Variants in KAT6A observed in about 807,000 individuals in gnomAD.
KAT6A encodes histone acetyltransferase KAT6A.
KAT6A carries 9 observed loss-of-function variants against 198.4 expected under a neutral mutation model. That is an observed-to-expected ratio of 0.05 (90% CI 0.03 to 0.08). The LOEUF is 0.08. KAT6A is among the 10% of genes least tolerant of loss of function. The pLI is 1.00. For missense variants in KAT6A, 2,077 were observed against 2,509.9 expected, an observed-to-expected ratio of 0.83 and a Z score of 3.69; for synonymous variants, 890 against 883.0, an observed-to-expected ratio of 1.01 and a Z score of -0.14.
chr8:42,018,739 A>G (rs1355661393), intron 2 of KAT6A, among the ~76,000 whole-genome samples: 1 of 152,124 alleles, frequency 6.6e-6, no homozygotes, highest in Non-Finnish European at 1.5e-5. Context: ...CCTGGCCAAC[A>G]TGGTGAAACC....
chr8:41,965,978 T>C (rs1823464148), intron 8 of KAT6A, among the ~76,000 whole-genome samples: 1 of 152,166 alleles, frequency 6.6e-6, no homozygotes. Context: ...CATTGGATAA[T>C]TTAGCACAAC....
intron 8 of KAT6A, among the ~76,000 whole-genome samples, chr8:41,972,468 T>C (rs1310388242): frequency 1.3e-5 from 2 of 152,202 alleles, no homozygotes; most frequent in African/African-American, 2.4e-5. Flanking sequence ...AGGTGGTCAC[T>C]GTTAGCAGCA....
chr8:42,045,214 C>T (rs1292054189), intron 2 of KAT6A, among the ~76,000 whole-genome samples: 8 of 152,170 alleles, frequency 5.3e-5, no homozygotes, highest in Non-Finnish European at 1.0e-4. Context: ...AGTACATATA[C>T]AAGTCTACCT....
Position 41,977,627 on chromosome 8 carries a change from A to G in KAT6A, c.1044-300T>C, listed in dbSNP as rs1824126779. 1.6e-5 allele frequency: 4 copies of G among 249,796 alleles called. No homozygotes were observed. In the East Asian group the frequency reaches 3.1e-4, roughly 19 times the overall value. 15.5% of individuals were successfully genotyped at this position (249,796 alleles called of 1,614,324 possible). On this transcript the variant is annotated intron_variant, in intron 6 of 16. Transcript: ENST00000265713. ...GACTTGGACAAATCACATTTTTTCT[A>G]AACATATGTCAGTGCCTTCATCTGT...
chr8:41,994,194 A>G, intron 2 of KAT6A, among the ~76,000 whole-genome samples: 1 of 152,244 alleles, frequency 6.6e-6, no homozygotes, highest in East Asian at 1.9e-4. Flanking sequence ...AAAAGGTTGT[A>G]GCAAATGACT....
rs200136757 is a variant in KAT6A at position 41,941,073 on chromosome 8, G to C, written c.2808C>G (p.Pro936=). The C allele has an allele frequency of 1.2e-6, 2 of 1,614,144 alleles. No homozygotes were observed. Among genetic ancestry groups the C allele is most frequent in the Non-Finnish European group, 8.5e-7 (1 of 1,180,036 alleles). The change falls in exon 15 of 17, where the codon CCC becomes CCG. Residue 936 remains proline (P), a synonymous_variant. Transcript: ENST00000265713. Reference sequence around the variant, plus strand: ...CAACCCCCTCACTGAGTCTTCTCTTGGGAAGGTCAGGTTTCCCGTCCTGGC... The same window carrying C: ...CAACCCCCTCACTGAGTCTTCTCTTCGGAAGGTCAGGTTTCCCGTCCTGGC... ...QPSQDGKPDL[P]KRRLSEGVEP...
chr8:41,934,063 G>A lies in KAT6A; in HGVS notation c.4157C>T (p.Ser1386Leu). 6.2e-7 allele frequency: 1 copy of A among 1,614,090 alleles called. No homozygotes were observed. The highest frequency in any genetic ancestry group is 8.5e-7 in the Non-Finnish European group (1 of 1,180,024). ...EQPSHDTSVV[S>L]EQMAGSEDDH... is the part of the protein sequence containing the mutation. ...GTCCTCAGACCCAGCCATCTGCTCT[G>A]ACACCACGGACGTGTCATGGGAAGG... is the stretch of plus-strand genomic sequence containing the variant. The change falls in exon 17 of 17, where the codon TCA (serine) becomes TTA (leucine). Residue 1386 changes from serine to leucine, a missense_variant. Physicochemically the swap from Ser to Leu is moderately radical, Grantham distance 145. This residue lies in a region of KAT6A where 178 missense variants were observed against 220.8 expected (regional missense o/e 0.81). Coordinates refer to ENST00000265713, the MANE Select transcript of KAT6A (RefSeq NM_006766.5).
Position 42,030,393 on chromosome 8 carries a change from T to C in KAT6A, c.600+17985A>G, listed in dbSNP as rs143841068. Among the ~76,000 whole-genome samples, 13 of 152,266 alleles carry C rather than the reference T, an allele frequency of 8.5e-5. No individual in the cohort carries two copies. In the East Asian group the frequency reaches 1.9e-3, roughly 23 times the overall value. On this transcript the variant is annotated intron_variant, in intron 2 of 16. Coordinates refer to ENST00000265713, the MANE Select transcript of KAT6A (RefSeq NM_006766.5). The stretch of plus-strand genomic sequence containing the variant: ...CTTCCTGTGCCTCAGAGGTTCCTCA[T>C]CCTTTCCGTGTTTAATTTCAGTGTT...
At chr8:42,023,585 T>C (rs1392377907) in intron 2 of KAT6A, among the ~76,000 whole-genome samples, 1 of 151,850 alleles carries the variant, frequency 6.6e-6, no homozygotes, top group Non-Finnish European at 1.5e-5. Context: ...CCTTCCAGGC[T>C]CAAGTGATCC....
intron 2 of KAT6A, among the ~76,000 whole-genome samples, chr8:42,031,039 G>A (rs201782466): frequency 0.018 from 297 of 16,584 alleles, 7 homozygotes; most frequent in Middle Eastern, 0.17. Context: ...AAAAAAAAAA[G>A]GGGGGGGGGA....
chr8:41,948,122 T>C (rs1822487694), intron 10 of KAT6A, among the ~76,000 whole-genome samples: 1 of 152,190 alleles, frequency 6.6e-6, no homozygotes, highest in South Asian at 2.1e-4. Context: ...TAAAACCTCA[T>C]ACCTTCAACA....
At chr8:41,991,356 C>G (rs1453037412) in intron 2 of KAT6A, among the ~76,000 whole-genome samples, 1 of 152,044 alleles carries the variant, frequency 6.6e-6, no homozygotes, top group Non-Finnish European at 1.5e-5. Flanking sequence ...ATATCACAAA[C>G]TATATTGAAA....
chr8:42,009,962 TAAAGAA>T (rs1392104731), intron 2 of KAT6A, among the ~76,000 whole-genome samples: 1 of 144,282 alleles, frequency 6.9e-6, no homozygotes, highest in African/African-American at 2.6e-5. Flanking sequence ...CAGGTCTCAT[TAAAGAA>T]AAAGTACAGA....
rs533030932 is a variant in KAT6A at position 42,001,324 on chromosome 8, C to T, written c.601-13761G>A. On this transcript the variant is annotated intron_variant, in intron 2 of 16. Transcript: ENST00000265713. The stretch of plus-strand genomic sequence containing the variant: ...TAAGACCTTTTATTTTAACACAGCA[C>T]ATTAGTGTCTCTGTAACTAAGTAAG... Among the ~76,000 whole-genome samples the T allele has an allele frequency of 4.7e-4, 72 of 152,230 alleles. 2 individuals are homozygous for T. The Middle Eastern group carries it at 0.014, about 29-fold the overall frequency.
intron 8 of KAT6A, among the ~76,000 whole-genome samples, chr8:41,963,829 G>C (rs777286886): frequency 6.6e-6 from 1 of 152,012 alleles, no homozygotes. Flanking sequence ...AAATCTTCAT[G>C]ATCTAGTACC....
chr8:42,009,125 A>T (rs1825887249), intron 2 of KAT6A, among the ~76,000 whole-genome samples: 1 of 152,180 alleles, frequency 6.6e-6, no homozygotes, highest in African/African-American at 2.4e-5. Flanking sequence ...CGGAAAATAC[A>T]TTAGTGAGAA....
chr8:41,979,272 A>G lies in KAT6A; in HGVS notation c.908-495T>C, dbSNP rs555425798. ...GACAGAGTGAGACTCCGTCTCAAAA[A>G]AAAAGTTTCCTGCCTAAAGCTGCTA... On this transcript the variant is annotated intron_variant, in intron 5 of 16. Coordinates refer to ENST00000265713, the MANE Select transcript of KAT6A (RefSeq NM_006766.5). Among the ~76,000 whole-genome samples, 245 of 152,298 alleles carry G rather than the reference A, an allele frequency of 1.6e-3. 1 individual carries two copies. Among genetic ancestry groups the G allele is most frequent in the African/African-American group, 5.6e-3 (233 of 41,576 alleles).
intron 1 of KAT6A, among the ~76,000 whole-genome samples, chr8:42,049,910 A>G (rs1002706349): frequency 1.3e-5 from 2 of 152,216 alleles, no homozygotes; most frequent in African/African-American, 4.8e-5. Flanking sequence ...TACTATTGAA[A>G]ATAGCCTAGA....
chr8:41,940,878 C>A lies in KAT6A; in HGVS notation c.3003G>T (p.Ser1001=), dbSNP rs138085232. The A allele has an allele frequency of 6.2e-7, 1 of 1,613,168 alleles. No homozygotes were observed. Among genetic ancestry groups the A allele is most frequent in the African/African-American group, 1.3e-5 (1 of 75,038 alleles). ...GCGTGGGCTTTGTGAGAATTGGTGG[C>A]GAGCTTGACCGAGGGCTTTCCGGCT... ...EEEPESPRSS[S]PPILTKPTLK... Residue 1001 remains serine, a synonymous_variant, in exon 15 of 17, where the codon TCG becomes TCT. Transcript: ENST00000265713.
Sources: allele counts gnomAD v4.1 joint callset (sites outside exome capture counted in the v4.1 genomes callset), GRCh38; gene constraint gnomAD v4.1.1; regional missense constraint gnomAD v4.1.1; transcripts MANE v1.5; gene names NCBI Gene and HGNC (gene_info 2026-07-23, HGNC 2026-07-21).